Variants in SCAMP1 observed in about 807,000 individuals in gnomAD.
The protein encoded by SCAMP1 is secretory carrier membrane protein 1.
A neutral mutation model predicts 41.8 loss-of-function variants in SCAMP1; 15 were observed. The observed-to-expected ratio is 0.36, with a 90% CI of 0.24 to 0.55. The LOEUF is 0.55. Among genes scored for constraint, SCAMP1 ranks in the 20% least tolerant of loss-of-function variants. The probability of loss-of-function intolerance (pLI) is 0.86; values close to 1 mark genes in which losing one functional copy is unlikely to be tolerated. For missense variants in SCAMP1, 341 were observed against 412.6 expected, an observed-to-expected ratio of 0.83 and a Z score of 1.50; for synonymous variants, 135 against 136.8, an observed-to-expected ratio of 0.99 and a Z score of 0.09.
chr5:78,378,011 A>T (rs901729627), intron 1 of SCAMP1, among the ~76,000 whole-genome samples: 3 of 152,110 alleles, frequency 2.0e-5, no homozygotes, highest in African/African-American at 7.2e-5. Context: ...TGATTATCAA[A>T]TTTCCCCTTA....
rs73132399 is a variant in SCAMP1, at chr5:78,416,105, T to C, written c.235-436T>C. Among the ~76,000 whole-genome samples the C allele has an allele frequency of 8.4e-3, 1,284 of 152,298 alleles. 20 individuals carry two copies. The highest frequency in any genetic ancestry group is 0.029 in the African/African-American group (1,199 of 41,558). On this transcript the variant is annotated intron_variant, in intron 3 of 8. Transcript: ENST00000621999. Reference sequence around the variant, plus strand: ...TCATTCTCCTATAACATTTAAGATATTAGAAAATATTCTTGCATTGGTGGC... The same window carrying C: ...TCATTCTCCTATAACATTTAAGATACTAGAAAATATTCTTGCATTGGTGGC...
intron 2 of SCAMP1, among the ~76,000 whole-genome samples, chr5:78,410,833 A>T (rs1292396508): frequency 1.3e-5 from 2 of 152,062 alleles, no homozygotes; most frequent in Non-Finnish European, 2.9e-5. Flanking sequence ...TTTAATAGTT[A>T]CCATTCTGAC....
intron 8 of SCAMP1, among the ~76,000 whole-genome samples, chr5:78,466,043 T>C (rs896509357): frequency 2.6e-5 from 4 of 152,264 alleles, no homozygotes; most frequent in Non-Finnish European, 4.4e-5. Context: ...CAAATTAACA[T>C]GTAACACTGA....
chr5:78,377,161 G>A (rs1021280410), intron 1 of SCAMP1, among the ~76,000 whole-genome samples: 3 of 151,968 alleles, frequency 2.0e-5, no homozygotes, highest in African/African-American at 7.2e-5. Flanking sequence ...GAAAACTTCT[G>A]TAACACAAAG....
At chr5:78,458,477 A>G (rs1580713058) in intron 7 of SCAMP1, among the ~76,000 whole-genome samples, 2 of 152,032 alleles carry the variant, frequency 1.3e-5, no homozygotes, top group African/African-American at 2.4e-5. Context: ...TAATTTTTGT[A>G]TTCTGTTGAG....
At chr5:78,457,304 G>A (rs370902381) in intron 7 of SCAMP1, among the ~76,000 whole-genome samples, 111 of 152,102 alleles carry the variant, frequency 7.3e-4, no homozygotes, top group African/African-American at 1.6e-3. Context: ...TTTTTTCCCC[G>A]TCTTTGTGGT....
At chr5:78,425,443 T>C (rs768733777) in intron 6 of SCAMP1, among the ~76,000 whole-genome samples, 14 of 152,230 alleles carry the variant, frequency 9.2e-5, no homozygotes, top group African/African-American at 7.2e-5. Flanking sequence ...TAGCATAATT[T>C]TAGTTTTTCA....
intron 6 of SCAMP1, among the ~76,000 whole-genome samples, chr5:78,445,262 G>A (rs190840084): frequency 1.3e-5 from 2 of 152,310 alleles, no homozygotes; most frequent in Admixed American, 1.3e-4. Flanking sequence ...GACTGTGGAA[G>A]ACATTAAACC....
intron 1 of SCAMP1, among the ~76,000 whole-genome samples, chr5:78,364,970 A>G (rs1388133931): frequency 1.3e-4 from 2 of 15,444 alleles, no homozygotes; most frequent in East Asian, 7.8e-4. Context: ...TGGCACATGT[A>G]TACATATGTA....
chr5:78,382,545 A>G (rs933671867), intron 1 of SCAMP1, among the ~76,000 whole-genome samples: 2 of 152,016 alleles, frequency 1.3e-5, no homozygotes, highest in Non-Finnish European at 2.9e-5. Flanking sequence ...TGCACCCATT[A>G]TGTAGTCTTT....
chr5:78,415,890 A>G (rs1752197780), intron 3 of SCAMP1, among the ~76,000 whole-genome samples: 1 of 152,104 alleles, frequency 6.6e-6, no homozygotes, highest in Non-Finnish European at 1.5e-5. Context: ...CCACTTTTTA[A>G]TGCACACTAC....
intron 6 of SCAMP1, among the ~76,000 whole-genome samples, chr5:78,434,614 T>C (rs1752700063): frequency 6.6e-6 from 1 of 152,114 alleles, no homozygotes; most frequent in Non-Finnish European, 1.5e-5. Flanking sequence ...TTTTACAATC[T>C]ATAAGGTTTT....
At position 78,384,180 on chromosome 5, in the gene SCAMP1, C is replaced by CT. The variant is rs57618539; in HGVS notation, c.58-4644dup. On this transcript the variant is annotated intron_variant, in intron 1 of 8. Coordinates refer to ENST00000621999, the MANE Select transcript of SCAMP1 (RefSeq NM_004866.6). ...TTAGGTATATTCCCAAGTTTTTTTT[C>CT]TTTTTTTTTTTTTGCAGCTATTTTA... Among the ~76,000 whole-genome samples, 21 of 65,278 alleles carry CT rather than the reference C, an allele frequency of 3.2e-4. No homozygotes were observed. In the Middle Eastern group the frequency reaches 0.045, roughly 141 times the overall value. The allele number at this position is 65,278 out of a possible 152,430, so 42.8% of individuals were successfully genotyped here. A position where few individuals can be genotyped will look rare whatever the true frequency, so the allele number is the denominator to read the frequency against.
intron 2 of SCAMP1, among the ~76,000 whole-genome samples, chr5:78,413,464 T>G (rs1408431595): frequency 6.7e-6 from 1 of 148,694 alleles, no homozygotes; most frequent in Non-Finnish European, 1.5e-5. Context: ...GTAGCCCAAG[T>G]TGGAGTGCAG....
chr5:78,368,365 A>G (rs1022421227), intron 1 of SCAMP1, among the ~76,000 whole-genome samples: 17 of 152,162 alleles, frequency 1.1e-4, no homozygotes, highest in Admixed American at 5.2e-4. Context: ...ATATGAGATG[A>G]TGGTGATTAT....
At chr5:78,375,050 T>C (rs775521359) in intron 1 of SCAMP1, among the ~76,000 whole-genome samples, 2 of 152,090 alleles carry the variant, frequency 1.3e-5, no homozygotes, top group Non-Finnish European at 2.9e-5. Flanking sequence ...TTAGTATTTA[T>C]TAAATTCATA....
intron 2 of SCAMP1, among the ~76,000 whole-genome samples, chr5:78,391,476 C>T (rs545127842): frequency 4.0e-5 from 6 of 151,868 alleles, no homozygotes; most frequent in African/African-American, 7.3e-5. Context: ...ACCTCCCTCC[C>T]GGATGGGGTG....
rs554990763 is a variant in SCAMP1 at position 78,408,900 on chromosome 5, A to G, written c.136-6620A>G. 3.9e-5 allele frequency among the ~76,000 whole-genome samples: 6 copies of G among 152,220 alleles called. No individual in the cohort carries two copies. The South Asian group carries it at 8.3e-4, about 21-fold the overall frequency. On this transcript the variant is annotated intron_variant, in intron 2 of 8. Coordinates refer to ENST00000621999, the MANE Select transcript of SCAMP1 (RefSeq NM_004866.6). The stretch of plus-strand genomic sequence containing the variant: ...CAGGTGTGAGCCACCATGCCTGGCC[A>G]TTGGTAGGTTTATGACTGGGAATTC...
In SCAMP1 at chr5:78,445,638, A is replaced by AT. The variant is rs796617013; in HGVS notation, c.633-4284dup. 3.8e-3 allele frequency among the ~76,000 whole-genome samples: 551 copies of AT among 146,780 alleles called. 4 individuals carry two copies. The highest frequency in any genetic ancestry group is 0.012 in the African/African-American group (490 of 40,372). On this transcript the variant is annotated intron_variant, in intron 6 of 8. Transcript: ENST00000621999. ...GAAGTTCTTCTTCCCCTGATGATGTATTTTTTTTTTTCCTGGACCTTTTCT... is the reference window on the plus strand; with the variant it reads ...GAAGTTCTTCTTCCCCTGATGATGTATTTTTTTTTTTTCCTGGACCTTTTCT...
Sources: gnomAD v4.1 joint callset for allele counts (sites outside exome capture counted in the v4.1 genomes callset) on GRCh38, gnomAD v4.1.1 for gene constraint, MANE v1.5 for transcripts, NCBI Gene and HGNC (gene_info 2026-07-23, HGNC 2026-07-21) for gene names.